Variants in C2orf74 observed in about 807,000 individuals in gnomAD.
C2orf74 encodes the protein DPM1 ER membrane anchor 1.
A neutral mutation model predicts 17.9 loss-of-function variants in C2orf74; 14 were observed. The ratio of observed to expected loss-of-function variants is 0.78; its 90% CI spans 0.52 to 1.22. The LOEUF (loss-of-function observed/expected upper bound fraction) is 1.22, where lower values mean the gene tolerates loss of function less well. Ranked by LOEUF, C2orf74 falls within the 50% of genes most tolerant of loss-of-function variation. The probability of loss-of-function intolerance (pLI) is 0.00; values close to 1 mark genes in which losing one functional copy is unlikely to be tolerated. For missense variants in C2orf74, 217 were observed against 218.4 expected, an observed-to-expected ratio of 0.99 and a Z score of 0.04; for synonymous variants, 79 against 72.6, an observed-to-expected ratio of 1.09 and a Z score of -0.44.
At chr2:61,158,296 G>A (rs1339090134), upstream of C2orf74, among the ~76,000 whole-genome samples, 1 of 152,154 alleles carries the variant, frequency 6.6e-6, no homozygotes, top group Non-Finnish European at 1.5e-5. Context: ...GTGTAGTGTA[G>A]GAGGTGAAAA....
chr2:61,153,606 A>G (rs1685305149), intron 1 of C2orf74, among the ~76,000 whole-genome samples: 1 of 148,232 alleles, frequency 6.7e-6, no homozygotes, highest in Non-Finnish European at 1.5e-5. Context: ...TAAAATGTAT[A>G]AACTGGGCGC....
intron 1 of C2orf74, among the ~76,000 whole-genome samples, chr2:61,155,086 A>G (rs1031985311): frequency 6.6e-6 from 1 of 152,108 alleles, no homozygotes; most frequent in Non-Finnish European, 1.5e-5. Context: ...AAAGAAACAG[A>G]AAAGTTTAAA....
chr2:61,154,959 G>T (rs919850123), intron 1 of C2orf74, among the ~76,000 whole-genome samples: 2 of 152,072 alleles, frequency 1.3e-5, no homozygotes, highest in African/African-American at 4.8e-5. Context: ...CAGCTACTTG[G>T]GAGGCTGAGG....
rs1573724041 is a variant in C2orf74 at position 61,163,077 on chromosome 2, A to C, written c.235A>C (p.Asn79His). The C allele has an allele frequency of 6.4e-7, 1 of 1,552,168 alleles. No individual in the cohort carries two copies. Among genetic ancestry groups the C allele is most frequent in the Non-Finnish European group, 8.7e-7 (1 of 1,147,058 alleles). The change falls in exon 4 of 5, where the codon AAT becomes CAT. Residue 79 changes from asparagine to histidine, a missense_variant. Coordinates refer to ENST00000432605, the MANE Select transcript of C2orf74 (RefSeq NM_001143959.4). ...GATCTTAATGCAAGTCATGAACTTG[A>C]ATGTGCCGATGAGGCCTGGCATTCT... ...ERILMQVMNL[N>H]VPMRPGILVQ...
At chr2:61,163,421 T>C (rs1233227645) in intron 4 of C2orf74, among the ~76,000 whole-genome samples, 189 bp downstream of exon 4, 3 of 151,836 alleles carry the variant, frequency 2.0e-5, no homozygotes, top group Non-Finnish European at 2.9e-5. Context: ...CTGGCCAACA[T>C]GGTGAAACCC....
chr2:61,148,906 G>A (rs150915695), intron 1 of C2orf74, among the ~76,000 whole-genome samples: 56 of 152,292 alleles, frequency 3.7e-4, no homozygotes, highest in African/African-American at 1.3e-3. Flanking sequence ...CAGTAGAGAC[G>A]GGGATGTTGA....
upstream of C2orf74, among the ~76,000 whole-genome samples, chr2:61,160,258 T>TC (rs1387448394): frequency 6.6e-6 from 1 of 152,050 alleles, no homozygotes; most frequent in African/African-American, 2.4e-5. Flanking sequence ...CCTCCTGGGT[T>TC]CAAGCAATTC....
intron 1 of C2orf74, among the ~76,000 whole-genome samples, chr2:61,148,572 G>T (rs1465489358): frequency 6.6e-6 from 1 of 152,178 alleles, no homozygotes; most frequent in East Asian, 1.9e-4. Context: ...TTTAAAATCT[G>T]ACACTAATGT....
intron 1 of C2orf74, among the ~76,000 whole-genome samples, chr2:61,145,915 A>C (rs1685056449): frequency 6.6e-6 from 1 of 152,218 alleles, no homozygotes; most frequent in African/African-American, 2.4e-5. Flanking sequence ...TACTCAATAT[A>C]GGAGGGTGTC....
chr2:61,163,338 G>A (rs1223134678), intron 4 of C2orf74, 106 bp downstream of exon 4: 1 of 1,251,950 alleles, frequency 8.0e-7, no homozygotes, highest in Admixed American at 2.6e-5. Context: ...GACCGGGCGG[G>A]TGGCTCACGC....
intron 4 of C2orf74, among the ~76,000 whole-genome samples, chr2:61,163,891 C>T (rs1573725271): frequency 1.3e-5 from 2 of 152,126 alleles, no homozygotes; most frequent in East Asian, 3.9e-4. Flanking sequence ...CTCCTGTTTC[C>T]AATGAGAAAA....
intron 1 of C2orf74, among the ~76,000 whole-genome samples, chr2:61,151,051 C>T (rs1617806): frequency 2.6e-5 from 4 of 151,842 alleles, no homozygotes; most frequent in South Asian, 2.1e-4. Context: ...GGTGCAGTGG[C>T]TCACGCCTGT....
intron 1 of C2orf74, among the ~76,000 whole-genome samples, chr2:61,145,553 A>T (rs1054544770): frequency 5.3e-5 from 8 of 151,570 alleles, no homozygotes; most frequent in Non-Finnish European, 8.8e-5. Context: ...CCTCCCGAGT[A>T]GCTGGAATTA....
At chr2:61,157,783 C>T (rs1427501799), upstream of C2orf74, 1 of 436,814 alleles carries the variant, frequency 2.3e-6, no homozygotes, top group Non-Finnish European at 4.8e-6. Context: ...CCCCTAGTTT[C>T]CAAATTCAGG....
chr2:61,157,142 G>A (rs951749452), intron 1 of C2orf74, among the ~76,000 whole-genome samples: 2 of 152,192 alleles, frequency 1.3e-5, no homozygotes, highest in African/African-American at 4.8e-5. Context: ...CTGGGTTCAA[G>A]CGAGTCTCCT....
At chr2:61,150,324 AC>A (rs1685188199) in intron 1 of C2orf74, among the ~76,000 whole-genome samples, 1 of 152,166 alleles carries the variant, frequency 6.6e-6, no homozygotes, top group Admixed American at 6.5e-5. Context: ...TGCTCCTAAC[AC>A]TAAGAGCACC....
chr2:61,162,542 T>C lies in C2orf74; in HGVS notation c.28T>C (p.Phe10Leu), dbSNP rs1222937598. The change falls in exon 2 of 5, where the codon TTC becomes CTC. Residue 10 changes from phenylalanine (F) to leucine (L), a missense_variant. Coordinates refer to ENST00000432605, the MANE Select transcript of C2orf74 (RefSeq NM_001143959.4). ...GAGCTTTGAAACCACAGCAATCACTTTCTTCATCATCCTTCTAATTTGCCT... is the reference window on the plus strand; with the variant it reads ...GAGCTTTGAAACCACAGCAATCACTCTCTTCATCATCCTTCTAATTTGCCT... MSFETTAIT[F>L]FIILLICLIC... 4.5e-6 allele frequency: 7 copies of C among 1,551,640 alleles called. No individual in the cohort carries two copies. Among genetic ancestry groups the C allele is most frequent in the Non-Finnish European group, 6.1e-6 (7 of 1,146,956 alleles).
rs908581257 is a variant in C2orf74, at chr2:61,152,312, C to T, written c.-122+7116C>T. Among the ~76,000 whole-genome samples, 7 of 151,872 alleles carry T rather than the reference C, an allele frequency of 4.6e-5. No homozygotes were observed. In the East Asian group the frequency reaches 9.7e-4, roughly 21 times the overall value. On this transcript the variant is annotated intron_variant, in intron 1 of 3. Transcript: ENST00000426997. The stretch of plus-strand genomic sequence containing the variant: ...ATCCCAGCACTTTGGGAGGCCGAGG[C>T]GGGCAGATCACGAGGTCAGGAGATC...
upstream of C2orf74, among the ~76,000 whole-genome samples, chr2:61,158,209 C>A (rs950253421): frequency 6.6e-6 from 1 of 152,144 alleles, no homozygotes; most frequent in African/African-American, 2.4e-5. Context: ...TCCAGATACC[C>A]ATGAGAGTTA....
Sources: allele counts gnomAD v4.1 joint callset (sites outside exome capture counted in the v4.1 genomes callset), GRCh38; gene constraint gnomAD v4.1.1; transcripts MANE v1.5; gene names NCBI Gene and HGNC (gene_info 2026-07-23, HGNC 2026-07-21).